The following AKR1B15 variants were observed in gnomAD, a reference collection of about 807,000 sequenced individuals.
AKR1B15 encodes estradiol 17-beta-dehydrogenase AKR1B15.
In AKR1B15, 49 loss-of-function variants were observed where a neutral mutation model predicts 38.5. The observed-to-expected ratio is 1.27, with a 90% CI of 1.01 to 1.62. AKR1B15 has a LOEUF of 1.62. Ranked by LOEUF, AKR1B15 falls within the 40% of genes most tolerant of loss-of-function variation. The pLI, the probability that AKR1B15 is intolerant of heterozygous loss-of-function variation, is 0.00. For missense variants in AKR1B15, 411 were observed against 381.6 expected (o/e 1.08, Z -0.64); for synonymous variants, 137 against 135.5 (o/e 1.01, Z -0.08).
intron 2 of AKR1B15, among the ~76,000 whole-genome samples, chr7:134,562,488 A>AGAGCGCTGATTGGTCCATTATACG (rs1794425114): frequency 2.0e-5 from 3 of 152,128 alleles, no homozygotes; most frequent in Middle Eastern, 3.4e-3. Flanking sequence ...TCCATTTTAC[A>AGAGCGCTGATTGGTCCATTATACG]GAGCGCTGAT....
Position 134,577,689 on chromosome 7 carries a change from T to C in AKR1B15, c.910-15T>C, listed in dbSNP as rs10241998. 552,635 of 1,611,196 alleles carry C rather than the reference T, an allele frequency of 0.34. 97,698 individuals carry two copies. The highest frequency in any genetic ancestry group is 0.53 in the African/African-American group (39,455 of 74,922). On this transcript the variant is annotated splice_polypyrimidine_tract_variant and intron_variant, in intron 10 of 11. Coordinates refer to ENST00000457545, the MANE Select transcript of AKR1B15 (RefSeq NM_001080538.3). ...CAGCCTTACCGATAATGTATTGGAA[T>C]TCTTTCCTTTCTAGGTCTTTGACTT...
At chr7:134,568,423 G>T in intron 4 of AKR1B15, 98 bp downstream of exon 4, 1 of 1,515,254 alleles carries the variant, frequency 6.6e-7, no homozygotes, top group Non-Finnish European at 9.0e-7. Context: ...TTTTCTACGT[G>T]TACCCGTTTT....
At position 134,575,450 on chromosome 7, in the gene AKR1B15, G is replaced by T; in HGVS notation, c.544G>T (p.Val182Leu). 1 of 1,613,870 alleles carries T rather than the reference G, an allele frequency of 6.2e-7. No individual in the cohort carries two copies. The highest frequency in any genetic ancestry group is 8.5e-7 in the Non-Finnish European group (1 of 1,179,820). Residue 182 changes from valine (V) to leucine (L), a missense_variant, in exon 7 of 12, where the codon GTG (valine) becomes TTG (leucine). Val to Leu is a conservative substitution (Grantham distance 32). Around this residue, in one of 3 missense-constraint regions of AKR1B15, gnomAD observed 254 missense variants for 212.4 expected, o/e 1.20. Coordinates refer to ENST00000457545, the MANE Select transcript of AKR1B15 (RefSeq NM_001080538.3). ...GGAGGAGCTGGTGGACGAGGGGCTG[G>T]TGAAAGCCCTTGGGGTCTCAAATTT... ...AMEELVDEGLVKALGVSNFNH... is the reference protein window; with the variant it reads ...AMEELVDEGLLKALGVSNFNH...
At chr7:134,568,812 GT>G (rs1341340354) in intron 4 of AKR1B15, among the ~76,000 whole-genome samples, 5 of 151,934 alleles carry the variant, frequency 3.3e-5, no homozygotes, top group African/African-American at 9.7e-5. Context: ...AGAAAAGGAT[GT>G]TGGGTGTGAG....
chr7:134,559,255 G>A (rs1263317171), intron 2 of AKR1B15, among the ~76,000 whole-genome samples: 1 of 152,150 alleles, frequency 6.6e-6, no homozygotes, highest in Admixed American at 6.6e-5. Flanking sequence ...ATGTTGATAA[G>A]TGTCTATGTC....
intron 3 of AKR1B15, among the ~76,000 whole-genome samples, chr7:134,567,306 C>G (rs919405729): frequency 1.1e-4 from 17 of 152,174 alleles, no homozygotes; most frequent in Admixed American, 5.2e-4. Context: ...ATTGTATTTC[C>G]TTTTTTTCTT....
intron 7 of AKR1B15, 99 bp downstream of exon 7, chr7:134,575,641 G>A (rs566688385): frequency 1.9e-6 from 3 of 1,582,172 alleles, no homozygotes; most frequent in African/African-American, 2.7e-5. Flanking sequence ...TTATCTCAGG[G>A]GTCAGTGATC....
intron 3 of AKR1B15, among the ~76,000 whole-genome samples, chr7:134,566,929 C>T (rs1478046956): frequency 6.6e-6 from 1 of 152,196 alleles, no homozygotes; most frequent in East Asian, 1.9e-4. Context: ...TTCCAGATCT[C>T]CAGGGAATCT....
intron 1 of AKR1B15, among the ~76,000 whole-genome samples, chr7:134,555,434 C>CA (rs1356439578): frequency 2.6e-5 from 4 of 151,610 alleles, no homozygotes; most frequent in South Asian, 2.1e-4. Flanking sequence ...CAAAGCCCAG[C>CA]AAAAAAAATG....
intron 2 of AKR1B15, among the ~76,000 whole-genome samples, chr7:134,562,943 C>T (rs1794453845): frequency 6.8e-6 from 1 of 147,616 alleles, no homozygotes; most frequent in African/African-American, 2.5e-5. Context: ...CCTTCCTTTA[C>T]TCTCTTTCTG....
chr7:134,563,483 G>C (rs1794466774), intron 2 of AKR1B15, among the ~76,000 whole-genome samples: 1 of 152,150 alleles, frequency 6.6e-6, no homozygotes, highest in Non-Finnish European at 1.5e-5. Context: ...GGGAGACAGA[G>C]GTTGCAGTGA....
chr7:134,565,209 CTTTAAGAGCT>C, intron 3 of AKR1B15: 1 of 454,276 alleles, frequency 2.2e-6, no homozygotes, highest in East Asian at 4.0e-5. Flanking sequence ...TCCACACCAC[CTTTAAGAGCT>C]ACAACGATCA....
At chr7:134,571,752 G>C (rs148389789) in intron 6 of AKR1B15, 71 bp downstream of exon 6, 1 of 1,208,210 alleles carries the variant, frequency 8.3e-7, no homozygotes, top group Non-Finnish European at 1.2e-6. Context: ...CCATTGATAT[G>C]AAAGAGGCCA....
intron 8 of AKR1B15, 102 bp from the exon 9 acceptor site, chr7:134,576,247 G>A (rs1433422649): frequency 3.9e-6 from 5 of 1,268,608 alleles, no homozygotes; most frequent in Non-Finnish European, 5.6e-6. Flanking sequence ...TCTCCCAGAT[G>A]GAGAGGCTCT....
chr7:134,574,211 C>T (rs1011490025), intron 6 of AKR1B15, among the ~76,000 whole-genome samples: 3 of 152,170 alleles, frequency 2.0e-5, no homozygotes, highest in Non-Finnish European at 4.4e-5. Flanking sequence ...TCAAAGCTCA[C>T]TAGTGATTCC....
intron 1 of AKR1B15, among the ~76,000 whole-genome samples, chr7:134,555,899 T>C (rs1172015128): frequency 1.3e-5 from 2 of 152,174 alleles, no homozygotes; most frequent in Admixed American, 6.5e-5. Flanking sequence ...CCTTACTGCA[T>C]GTGTGTAACC....
chr7:134,574,360 C>CG (rs1162149173), intron 6 of AKR1B15, among the ~76,000 whole-genome samples: 2 of 152,048 alleles, frequency 1.3e-5, no homozygotes, highest in Non-Finnish European at 2.9e-5. Flanking sequence ...TTCTCTCTCT[C>CG]GGGGTTTTTG....
At chr7:134,577,150 C>G (rs1794783432) in intron 10 of AKR1B15, 104 bp downstream of exon 10, 1 of 1,197,760 alleles carries the variant, frequency 8.3e-7, no homozygotes, top group Non-Finnish European at 1.2e-6. Flanking sequence ...CTTTGGCCCC[C>G]TCCTTCCCCA....
At chr7:134,575,224 G>A (rs1259326252) in intron 6 of AKR1B15, among the ~76,000 whole-genome samples, 196 bp from the exon 7 acceptor site, 2 of 152,086 alleles carry the variant, frequency 1.3e-5, no homozygotes, top group African/African-American at 4.8e-5. Flanking sequence ...GATTTTCTTG[G>A]GCTGGGGAGG....
Sources: gnomAD v4.1 joint callset for allele counts (sites outside exome capture counted in the v4.1 genomes callset) on GRCh38, gnomAD v4.1.1 for gene constraint, gnomAD v4.1.1 regional missense constraint, MANE v1.5 for transcripts, NCBI Gene and HGNC (gene_info 2026-07-23, HGNC 2026-07-21) for gene names.